SSH1: variants seen among roughly 807,000 people sequenced by gnomAD.
SSH1 encodes the protein slingshot protein phosphatase 1, also known as protein phosphatase Slingshot homolog 1.
Under a neutral mutation model 79.7 loss-of-function variants are expected in SSH1, and 43 were observed. The ratio of observed to expected loss-of-function variants is 0.54; its 90% CI spans 0.42 to 0.70. The LOEUF is 0.70. SSH1 is among the 30% of genes least tolerant of loss of function. SSH1 has a pLI of 0.00. For synonymous variants in SSH1, 599 were observed against 538.3 expected (o/e 1.11, Z -1.56); for missense variants, 1,206 against 1,358.8 (o/e 0.89, Z 1.77).
rs367620838 is a variant in SSH1 at position 108,788,506 on chromosome 12, C to G, written c.2632G>C (p.Gly878Arg). ...GCGGCCTCTGACTTCTCATCACTCC[C>G]GGCCTGGCTGGGCATAACCAGGGGG... ...LGPLVMPSQAGSDEKSEAAPA... is the reference protein window; with the variant it reads ...LGPLVMPSQARSDEKSEAAPA... Residue 878 changes from glycine (G) to arginine (R), a missense_variant, in exon 15 of 15, where the codon GGG becomes CGG. Coordinates refer to ENST00000326495, the MANE Select transcript of SSH1 (RefSeq NM_018984.4). The G allele has an allele frequency of 3.2e-6, 5 of 1,560,174 alleles. No individual in the cohort carries two copies. The highest frequency in any genetic ancestry group is 4.5e-5 in the East Asian group (2 of 44,468).
At chr12:108,821,446 T>A (rs1296633315) in intron 3 of SSH1, among the ~76,000 whole-genome samples, 1 of 152,068 alleles carries the variant, frequency 6.6e-6, no homozygotes, top group African/African-American at 2.4e-5. Flanking sequence ...GGTCTGTTTA[T>A]AGCTGTATTG....
Position 108,857,369 on chromosome 12 carries a change from C to T in SSH1, c.69+59G>A. ...TGCCCCGCACGCGCGGCCCCAGCTC[C>T]GGCGGCCTCGGCGCGGCGTCCGGCG... On this transcript the variant is annotated intron_variant, in intron 1 of 14. Coordinates refer to ENST00000326495, the MANE Select transcript of SSH1 (RefSeq NM_018984.4). This position sits in a 1 kb window ranked among gnomAD's most constrained non-coding sequence, Gnocchi z 4.7. 1.0e-6 allele frequency: 1 copy of T among 953,026 alleles called. No homozygotes were observed. The highest frequency in any genetic ancestry group is 1.2e-6 in the Non-Finnish European group (1 of 801,720). The allele number at this position is 953,026 out of a possible 1,614,324, so 59.0% of individuals were successfully genotyped here.
At chr12:108,822,734 A>G (rs2038170182) in intron 3 of SSH1, among the ~76,000 whole-genome samples, 1 of 152,160 alleles carries the variant, frequency 6.6e-6, no homozygotes, top group Non-Finnish European at 1.5e-5. Flanking sequence ...TCCTCACCCT[A>G]TTACTTCTGT....
At position 108,818,190 on chromosome 12, in the gene SSH1, C is replaced by A. The variant is rs752128179; in HGVS notation, c.279+59G>T. On this transcript the variant is annotated intron_variant, in intron 4 of 14. Transcript: ENST00000326495. ...TCCAGCCTGGGCAACAGAGCAAGAC[C>A]CTCATCTCACAAAAATTAAAAAAAA... 6 of 1,293,424 alleles carry A rather than the reference C, an allele frequency of 4.6e-6. No individual in the cohort carries two copies. The East Asian group carries it at 7.0e-5, about 15-fold the overall frequency. 80.1% of individuals were successfully genotyped at this position (1,293,424 alleles called of 1,614,324 possible). A position where few individuals can be genotyped will look rare whatever the true frequency, so the allele number is the denominator to read the frequency against.
At chr12:108,843,683 C>G (rs193269037) in intron 2 of SSH1, among the ~76,000 whole-genome samples, 1 of 152,034 alleles carries the variant, frequency 6.6e-6, no homozygotes, top group African/African-American at 2.4e-5. Flanking sequence ...TACAGGCACG[C>G]GCCACCATAC....
chr12:108,803,648 CAT>C (rs1336006180), intron 10 of SSH1, among the ~76,000 whole-genome samples: 6 of 152,168 alleles, frequency 3.9e-5, no homozygotes, highest in East Asian at 1.9e-4. Context: ...ACACTAAAAA[CAT>C]AACGCGAGTG....
At chr12:108,826,986 A>G (rs1192600258) in intron 2 of SSH1, among the ~76,000 whole-genome samples, 1 of 146,844 alleles carries the variant, frequency 6.8e-6, no homozygotes, top group African/African-American at 2.5e-5. Flanking sequence ...CGCTGTAAGA[A>G]AAATCTTGAT....
chr12:108,823,690 C>T (rs930073137), intron 2 of SSH1, among the ~76,000 whole-genome samples: 6 of 151,480 alleles, frequency 4.0e-5, no homozygotes, highest in East Asian at 1.9e-4. Flanking sequence ...TTTTTTGAGA[C>T]GCAGTTTCAC....
Position 108,792,345 on chromosome 12 carries a change from G to C in SSH1, c.1834C>G (p.Leu612Val). 2 of 1,614,190 alleles carry C rather than the reference G, an allele frequency of 1.2e-6. No homozygotes were observed. The highest frequency in any genetic ancestry group is 1.7e-6 in the Non-Finnish European group (2 of 1,180,044). The part of the protein sequence containing the change: ...GQLPTQLDQN[L>V]LNSENLNNNS... ...TTGTTTAGGTTCTCCGAGTTGAGCA[G>C]GTTTTGATCGAGCTGGGTTGGAAGC... Residue 612 changes from leucine to valine, a missense_variant, in exon 14 of 15, where the codon CTG (leucine) becomes GTG (valine). Leu to Val is a conservative substitution (Grantham distance 32, BLOSUM62 1). Transcript: ENST00000326495.
chr12:108,853,393 C>T (rs1162839348), intron 1 of SSH1: 1 of 975,666 alleles, frequency 1.0e-6, no homozygotes, highest in Non-Finnish European at 1.2e-6. Context: ...AACACATACA[C>T]ACCCCCCAAA....
intron 10 of SSH1, among the ~76,000 whole-genome samples, chr12:108,803,958 T>C (rs2037147285): frequency 6.6e-6 from 1 of 152,212 alleles, no homozygotes; most frequent in East Asian, 1.9e-4. Context: ...GTCTTTCTTG[T>C]CTCTAGTAGT....
intron 13 of SSH1, among the ~76,000 whole-genome samples, chr12:108,794,361 A>G (rs1232721322): frequency 1.3e-5 from 2 of 152,170 alleles, no homozygotes; most frequent in Non-Finnish European, 2.9e-5. Context: ...TTTTGCACAC[A>G]GCACCCTGAC....
In SSH1 at chr12:108,857,037, C is replaced by A. The variant is rs1458079258; in HGVS notation, c.69+391G>T. 6.6e-6 allele frequency among the ~76,000 whole-genome samples: 1 copy of A among 152,264 alleles called. No individual in the cohort carries two copies. Among genetic ancestry groups the A allele is most frequent in the Non-Finnish European group, 1.5e-5 (1 of 68,048 alleles). On this transcript the variant is annotated intron_variant, in intron 1 of 14. Coordinates refer to ENST00000326495, the MANE Select transcript of SSH1 (RefSeq NM_018984.4). This position sits in a 1 kb window ranked among gnomAD's most constrained non-coding sequence, Gnocchi z 4.7. ...CACATCTGCACACACAGTCTCTGCACAGTCACCCTTAGGGGTCACAACGCA... is the reference window on the plus strand; with the variant it reads ...CACATCTGCACACACAGTCTCTGCAAAGTCACCCTTAGGGGTCACAACGCA...
chr12:108,807,119 T>C lies in SSH1; in HGVS notation c.731+514A>G, dbSNP rs1463510224. On this transcript the variant is annotated intron_variant, in intron 8 of 14. Coordinates refer to ENST00000326495, the MANE Select transcript of SSH1 (RefSeq NM_018984.4). This position sits in a 1 kb window ranked among gnomAD's most constrained non-coding sequence, Gnocchi z 5.2. Reference sequence around the variant, plus strand: ...GACTTCAGCGAGTGTGGCCTCTCCATGTCAGCGCTGTCGTAGGTCACACGA... The same window carrying C: ...GACTTCAGCGAGTGTGGCCTCTCCACGTCAGCGCTGTCGTAGGTCACACGA... 6.6e-6 allele frequency among the ~76,000 whole-genome samples: 1 copy of C among 152,194 alleles called. No individual in the cohort carries two copies. Among genetic ancestry groups the C allele is most frequent in the Non-Finnish European group, 1.5e-5 (1 of 68,034 alleles).
At chr12:108,844,086 A>G (rs2038840709) in intron 2 of SSH1, among the ~76,000 whole-genome samples, 1 of 152,180 alleles carries the variant, frequency 6.6e-6, no homozygotes, top group Admixed American at 6.5e-5. Context: ...TTGAATGTCT[A>G]CTATGGGAGA....
Position 108,787,667 on chromosome 12 carries a change from A to C in SSH1, c.*321T>G. On this transcript the variant is annotated 3_prime_UTR_variant, in exon 15 of 15. Transcript: ENST00000326495. The stretch of plus-strand genomic sequence containing the variant: ...GACTCTTCTGCAGGATGCGAAGGGA[A>C]CAGTCTGGATGTGTGCGCCTATGTG... 2.7e-6 allele frequency: 1 copy of C among 372,120 alleles called. No individual in the cohort carries two copies. The allele number at this position is 372,120 out of a possible 1,614,324, so 23.1% of individuals were successfully genotyped here.
chr12:108,820,070 G>A (rs2038060275), intron 3 of SSH1, among the ~76,000 whole-genome samples: 1 of 151,876 alleles, frequency 6.6e-6, no homozygotes, highest in African/African-American at 2.4e-5. Context: ...TAGAGACAGG[G>A]TTTTGCCATG....
At chr12:108,817,750 G>GT (rs2037957586) in intron 4 of SSH1, among the ~76,000 whole-genome samples, 1 of 152,214 alleles carries the variant, frequency 6.6e-6, no homozygotes, top group Non-Finnish European at 1.5e-5. Flanking sequence ...TTTAACTGCC[G>GT]TGGAGACCTG....
chr12:108,820,101 C>A (rs1566000228), intron 3 of SSH1, among the ~76,000 whole-genome samples: 1 of 151,850 alleles, frequency 6.6e-6, no homozygotes, highest in Non-Finnish European at 1.5e-5. Context: ...TGGTCTCGAA[C>A]TCCTGGACTC....
Sources: allele counts gnomAD v4.1 joint callset (sites outside exome capture counted in the v4.1 genomes callset), GRCh38; gene constraint gnomAD v4.1.1; non-coding constraint Gnocchi (gnomAD v3.1); transcripts MANE v1.5; gene names NCBI Gene and HGNC (gene_info 2026-07-23, HGNC 2026-07-21).